The following UBE2D2 variants were observed in gnomAD, a reference collection of about 807,000 sequenced individuals.
UBE2D2 encodes ubiquitin conjugating enzyme E2 D2, also known as ubiquitin-conjugating enzyme E2 D2.
A neutral mutation model predicts 24.2 loss-of-function variants in UBE2D2; 2 were observed. That is an observed-to-expected ratio of 0.08 (90% CI 0.03 to 0.26). The LOEUF (loss-of-function observed/expected upper bound fraction) is 0.26. Ranked by LOEUF, UBE2D2 falls within the 10% of genes least tolerant of loss-of-function variation. The pLI is 1.00. For missense variants in UBE2D2, 44 were observed against 177.6 expected (o/e 0.25, Z 4.28); for synonymous variants, 58 against 56.5 (o/e 1.03, Z -0.12).
chr5:139,581,517 G>C (rs1753602345), intron 1 of UBE2D2, among the ~76,000 whole-genome samples: 1 of 151,978 alleles, frequency 6.6e-6, no homozygotes, highest in Admixed American at 6.6e-5. Flanking sequence ...TTCAGATTTT[G>C]AATTTTTTCG....
At chr5:139,550,957 A>G (rs1023891808) in intron 1 of UBE2D2, among the ~76,000 whole-genome samples, 3 of 152,080 alleles carry the variant, frequency 2.0e-5, no homozygotes, top group Non-Finnish European at 4.4e-5. Context: ...TTCCAGATAC[A>G]CCACAGTATC....
rs1404104598 is a variant in UBE2D2, at chr5:139,561,825, C to T, written c.24+10C>T. 4 of 1,493,344 alleles carry T rather than the reference C, an allele frequency of 2.7e-6. No homozygotes were observed. The highest frequency in any genetic ancestry group is 2.6e-5 in the South Asian group (2 of 75,686). The allele number at this position is 1,493,344 out of a possible 1,614,324, so 92.5% of individuals were successfully genotyped here. A position where few individuals can be genotyped will look rare whatever the true frequency, so the allele number is the denominator to read the frequency against. On this transcript the variant is annotated intron_variant, in intron 1 of 6. Coordinates refer to ENST00000398733, the MANE Select transcript of UBE2D2 (RefSeq NM_003339.3). ...GAAGAGAATCCACAAGGTAAGCGGC[C>T]GGAGGTCGGCTGCGCTGCTGGCCAG... is the stretch of plus-strand genomic sequence containing the variant.
chr5:139,550,881 C>G (rs147121639), intron 1 of UBE2D2, among the ~76,000 whole-genome samples: 3 of 152,300 alleles, frequency 2.0e-5, no homozygotes, highest in African/African-American at 7.2e-5. Context: ...TCTTTAAGAA[C>G]TGTAGCACTC....
intron 1 of UBE2D2, among the ~76,000 whole-genome samples, chr5:139,573,475 G>C (rs1431759583): frequency 6.6e-6 from 1 of 152,012 alleles, no homozygotes; most frequent in African/African-American, 2.4e-5. Context: ...ATGAAAATTT[G>C]TTTCCAACAG....
chr5:139,542,887 C>T (rs1752777235), intron 1 of UBE2D2, among the ~76,000 whole-genome samples: 1 of 152,094 alleles, frequency 6.6e-6, no homozygotes, highest in South Asian at 2.1e-4. Flanking sequence ...ATAGTTTACA[C>T]AAACATATGT....
At chr5:139,553,585 AG>A (rs2126640779) in intron 1 of UBE2D2, among the ~76,000 whole-genome samples, 1 of 152,304 alleles carries the variant, frequency 6.6e-6, no homozygotes, top group African/African-American at 2.4e-5. Context: ...AATTTCAGTA[AG>A]GTAACAGAAG....
intron 1 of UBE2D2, among the ~76,000 whole-genome samples, chr5:139,585,199 TGCGTGCA>T (rs1390624589): frequency 2.0e-5 from 3 of 150,224 alleles, no homozygotes; most frequent in Admixed American, 1.3e-4. Flanking sequence ...GGTGCCCGGC[TGCGTGCA>T]GGTCTTTTTT....
chr5:139,528,793 G>A (rs1216547122), intron 1 of UBE2D2, among the ~76,000 whole-genome samples: 1 of 152,142 alleles, frequency 6.6e-6, no homozygotes, highest in Non-Finnish European at 1.5e-5. Flanking sequence ...ACATAACTGT[G>A]TAGAAGTACT....
upstream of UBE2D2, among the ~76,000 whole-genome samples, chr5:139,557,236 T>G (rs1263626145): frequency 1.3e-5 from 2 of 149,972 alleles, no homozygotes; most frequent in Admixed American, 1.3e-4. Context: ...CGGGTTCAAG[T>G]GATTCTCCTG....
chr5:139,527,739 A>C (rs1752557629), intron 1 of UBE2D2, among the ~76,000 whole-genome samples: 1 of 152,226 alleles, frequency 6.6e-6, no homozygotes, highest in Non-Finnish European at 1.5e-5. Flanking sequence ...CAAAAGTCAT[A>C]AAAGAAAAAA....
intron 1 of UBE2D2, among the ~76,000 whole-genome samples, chr5:139,549,744 A>T (rs959540270): frequency 6.6e-6 from 1 of 152,232 alleles, no homozygotes; most frequent in Non-Finnish European, 1.5e-5. Flanking sequence ...GCAGAGCGGG[A>T]CTAGCGGGCA....
chr5:139,546,145 G>C (rs1752822782), intron 1 of UBE2D2, among the ~76,000 whole-genome samples: 1 of 152,030 alleles, frequency 6.6e-6, no homozygotes, highest in Admixed American at 6.6e-5. Flanking sequence ...CTGGCTTCAA[G>C]CGATTCTCCT....
intron 1 of UBE2D2, among the ~76,000 whole-genome samples, chr5:139,587,670 C>T (rs1753758977): frequency 9.3e-6 from 1 of 108,048 alleles, no homozygotes; most frequent in Non-Finnish European, 1.8e-5. Context: ...AAGACCCCAT[C>T]TCAAAAAAAA....
chr5:139,619,722 G>C (rs536164525), intron 5 of UBE2D2, among the ~76,000 whole-genome samples: 1 of 152,242 alleles, frequency 6.6e-6, no homozygotes, highest in South Asian at 2.1e-4. Context: ...AATTAGCCTG[G>C]CTTGGTGGTG....
chr5:139,588,790 A>T (rs1257948000), intron 1 of UBE2D2, among the ~76,000 whole-genome samples: 1 of 151,912 alleles, frequency 6.6e-6, no homozygotes, highest in Non-Finnish European at 1.5e-5. Context: ...TTGTTTTTTG[A>T]GATAGGGTCT....
At chr5:139,574,359 C>T (rs1246100898) in intron 1 of UBE2D2, among the ~76,000 whole-genome samples, 3 of 151,292 alleles carry the variant, frequency 2.0e-5, no homozygotes, top group Non-Finnish European at 4.4e-5. Flanking sequence ...TAATTAGTAT[C>T]TCCTGGGGAA....
upstream of UBE2D2, chr5:139,526,302 C>T (rs1164798035): frequency 6.6e-6 from 1 of 152,238 alleles, no homozygotes; most frequent in Non-Finnish European, 1.5e-5. Flanking sequence ...CTTCCTTCTA[C>T]AACTTGGTGT....
At chr5:139,578,823 C>T (rs1390176589) in intron 1 of UBE2D2, among the ~76,000 whole-genome samples, 1 of 152,056 alleles carries the variant, frequency 6.6e-6, no homozygotes, top group African/African-American at 2.4e-5. Context: ...TTTCCATGTA[C>T]CTTATTTCGT....
intron 5 of UBE2D2, among the ~76,000 whole-genome samples, chr5:139,622,833 TG>T (rs1322615996): frequency 1.3e-5 from 2 of 151,812 alleles, no homozygotes; most frequent in African/African-American, 2.4e-5. Context: ...GAGCTTGCAG[TG>T]AGCCTAGACC....
Sources: allele counts gnomAD v4.1 joint callset (sites outside exome capture counted in the v4.1 genomes callset), GRCh38; gene constraint gnomAD v4.1.1; transcripts MANE v1.5; gene names NCBI Gene and HGNC (gene_info 2026-07-23, HGNC 2026-07-21).